RYR1: variants seen among roughly 807,000 people sequenced by gnomAD.
The protein encoded by RYR1 is central core disease of muscle.
A neutral mutation model predicts 583.5 loss-of-function variants in RYR1; 342 were observed. The ratio of observed to expected loss-of-function variants is 0.59; its 90% CI spans 0.54 to 0.64. The LOEUF is 0.64. Ranked by LOEUF, RYR1 falls within the 30% of genes least tolerant of loss-of-function variation. The pLI is 0.00. For synonymous variants in RYR1, 2,791 were observed against 2,822.5 expected, an observed-to-expected ratio of 0.99 and a Z score of 0.35; for missense variants, 6,032 against 6,917.2, an observed-to-expected ratio of 0.87 and a Z score of 4.54.
intron 17 of RYR1, 114 bp downstream of exon 17, chr19:38,457,744 C>T: frequency 8.9e-7 from 1 of 1,121,264 alleles, no homozygotes; most frequent in Non-Finnish European, 1.3e-6. Context: ...CCAGGGTTAA[C>T]AACCAGTCCT....
At chr19:38,477,968 C>T (rs573528073) in intron 30 of RYR1, 98 bp downstream of exon 30, 3 of 1,271,124 alleles carry the variant, frequency 2.4e-6, no homozygotes, top group South Asian at 2.6e-5. Context: ...GTTGTGGGAC[C>T]TAGGAACTTT....
chr19:38,484,654 C>T (rs1969193592), intron 33 of RYR1, among the ~76,000 whole-genome samples: 1 of 152,022 alleles, frequency 6.6e-6, no homozygotes, highest in African/African-American at 2.4e-5. Context: ...CCAGACACAC[C>T]CGTTTATTAA....
At position 38,525,488 on chromosome 19, in the gene RYR1, A is replaced by T; in HGVS notation, c.10612A>T (p.Thr3538Ser). The change falls in exon 71 of 106, where the codon ACC (threonine) becomes TCC (serine). Residue 3538 changes from threonine (T) to serine (S), a missense_variant. Thr to Ser is a moderately conservative substitution (Grantham distance 58). This residue lies in a region of RYR1 where 1,493 missense variants were observed against 1,715.5 expected (regional missense o/e 0.87). Transcript: ENST00000359596. ...CCAAGACCTCATCACGCTGGCCAAG[A>T]CCCGTTACGCCCTGGTGCCTGCCCA... The part of the protein sequence containing the change: ...TDQDLITLAK[T>S]RYALKDTDEE... 1 of 1,613,668 alleles carries T rather than the reference A, an allele frequency of 6.2e-7. No homozygotes were observed. Among genetic ancestry groups the T allele is most frequent in the Non-Finnish European group, 8.5e-7 (1 of 1,179,882 alleles).
chr19:38,525,415 A>C lies in RYR1; in HGVS notation c.10539A>C (p.Thr3513=). The stretch of plus-strand genomic sequence containing the variant: ...TGCAGACGTCACTGATCGTGGCCAC[A>C]CTGAAGAAGATGCTGCCCATCGGCC... The part of the protein sequence containing the change: ...YSVQTSLIVA[T]LKKMLPIGLN... Residue 3513 remains threonine, a synonymous_variant, in exon 71 of 106, where the codon ACA becomes ACC. Transcript: ENST00000359596. 6.2e-7 allele frequency: 1 copy of C among 1,613,998 alleles called. No homozygotes were observed. Among genetic ancestry groups the C allele is most frequent in the Non-Finnish European group, 8.5e-7 (1 of 1,179,968 alleles).
At position 38,500,583 on chromosome 19, in the gene RYR1, C is replaced by T; in HGVS notation, c.7324-23C>T. The T allele has an allele frequency of 6.2e-7, 1 of 1,611,768 alleles. No individual in the cohort carries two copies. The highest frequency in any genetic ancestry group is 8.5e-7 in the Non-Finnish European group (1 of 1,179,876). Reference sequence around the variant, plus strand: ...GGGCACCAGCGCCTGATGAGTGCCCCTCTCCCTCCCTCTACTCCCCAGCTA... The same window carrying T: ...GGGCACCAGCGCCTGATGAGTGCCCTTCTCCCTCCCTCTACTCCCCAGCTA... On this transcript the variant is annotated intron_variant, in intron 45 of 105. Transcript: ENST00000359596. This position sits in a 1 kb window ranked among gnomAD's most constrained non-coding sequence, Gnocchi z 5.9.
rs768273866 is a variant in RYR1 at position 38,494,452 on chromosome 19, C to T, written c.6375C>T (p.His2125=). ...ELVRAMFSLL[H]RQYDGLGELL... Reference sequence around the variant, plus strand: ...TGCGGGCCATGTTCAGCCTCCTGCACCGGCAGTACGACGGGCTGGGTGAGC... The same window carrying T: ...TGCGGGCCATGTTCAGCCTCCTGCATCGGCAGTACGACGGGCTGGGTGAGC... The change falls in exon 39 of 106, where the codon CAC becomes CAT. Residue 2125 remains histidine, a synonymous_variant. Coordinates refer to ENST00000359596, the MANE Select transcript of RYR1 (RefSeq NM_000540.3). 12 of 1,612,610 alleles carry T rather than the reference C, an allele frequency of 7.4e-6. No individual in the cohort carries two copies. The highest frequency in any genetic ancestry group is 9.3e-6 in the Non-Finnish European group (11 of 1,180,040).
At chr19:38,574,699 A>G (rs1973877769) in intron 96 of RYR1, among the ~76,000 whole-genome samples, 1 of 152,080 alleles carries the variant, frequency 6.6e-6, no homozygotes, top group Admixed American at 6.6e-5. Flanking sequence ...AATAATTGCA[A>G]ATCCGTGAAT....
chr19:38,502,713 CATGTCGCTCTGCAG>C lies in RYR1; in HGVS notation c.7822_7835del (p.Met2608ValfsTer37). 6.5e-7 allele frequency: 1 copy of C among 1,528,648 alleles called. No homozygotes were observed. Among genetic ancestry groups the C allele is most frequent in the Non-Finnish European group, 8.8e-7 (1 of 1,132,236 alleles). 94.7% of individuals were successfully genotyped at this position (1,528,648 alleles called of 1,614,324 possible). On this transcript the variant is annotated frameshift_variant and splice_region_variant, in exon 48 of 106. Coordinates refer to ENST00000359596, the MANE Select transcript of RYR1 (RefSeq NM_000540.3). LOFTEE classifies it high-confidence loss of function. ...AGCGTGACGTCATCGAGGACTGCCT[CATGTCGCTCTGCAG>C]GTGGAGCGGGGCAGGCTTCAGGGTG...
chr19:38,469,239 C>T, intron 26 of RYR1, 66 bp from the exon 27 acceptor site: 1 of 1,604,668 alleles, frequency 6.2e-7, no homozygotes, highest in Non-Finnish European at 8.5e-7. Flanking sequence ...TCCCTACCTC[C>T]TCCCCTCGGC....
Position 38,443,599 on chromosome 19 carries a change from T to C in RYR1, c.312T>C (p.His104=), listed in dbSNP as rs1972797006. The change falls in exon 4 of 106, where the codon CAT becomes CAC. Residue 104 remains histidine, a synonymous_variant. Transcript: ENST00000359596. The stretch of plus-strand genomic sequence containing the variant: ...GACACAGGACGCTCCTGTATGGCCA[T>C]GCCATCCTGCTCCGGCATGCACACA... ...GGGHRTLLYG[H]AILLRHAHSR... 5.6e-6 allele frequency: 9 copies of C among 1,614,102 alleles called. No homozygotes were observed. Among genetic ancestry groups the C allele is most frequent in the Non-Finnish European group, 7.6e-6 (9 of 1,179,990 alleles).
At chr19:38,473,216 G>C (rs568352243) in intron 27 of RYR1, among the ~76,000 whole-genome samples, 161 bp from the exon 28 acceptor site, 24 of 152,112 alleles carry the variant, frequency 1.6e-4, no homozygotes, top group Non-Finnish European at 2.9e-4. Context: ...CGGTGTACCC[G>C]GCCGGGAGCT....
Position 38,496,684 on chromosome 19 carries a change from G to A in RYR1, c.6796+143G>A, listed in dbSNP as rs1969844565. The A allele has an allele frequency of 2.4e-6, 3 of 1,226,198 alleles. No homozygotes were observed. Among genetic ancestry groups the A allele is most frequent in the Non-Finnish European group, 2.4e-6 (2 of 842,696 alleles). 76.0% of individuals were successfully genotyped at this position (1,226,198 alleles called of 1,614,324 possible). ...TCTGGCCCTGTAATGAGTAATGCTGGGGACACAATAGTGACCCCAATAGTG... is the reference window on the plus strand; with the variant it reads ...TCTGGCCCTGTAATGAGTAATGCTGAGGACACAATAGTGACCCCAATAGTG... On this transcript the variant is annotated intron_variant, in intron 41 of 105. Coordinates refer to ENST00000359596, the MANE Select transcript of RYR1 (RefSeq NM_000540.3). This position sits in a 1 kb window ranked among gnomAD's most constrained non-coding sequence, Gnocchi z 4.8.
In RYR1 at chr19:38,532,646, C is replaced by T; in HGVS notation, c.11194-25C>T. 2.5e-6 allele frequency: 4 copies of T among 1,614,036 alleles called. No individual in the cohort carries two copies. In the Admixed American group the frequency reaches 5.0e-5, roughly 20 times the overall value. ...GGATGGAGGGGTCTGCTTTGTTCAT[C>T]CCTTAACTGATGCCCCCTCCCCAGA... On this transcript the variant is annotated intron_variant, in intron 77 of 105. Coordinates refer to ENST00000359596, the MANE Select transcript of RYR1 (RefSeq NM_000540.3).
rs750159558 is a variant in RYR1, at chr19:38,502,587, T to C, written c.7695T>C (p.Cys2565=). ...CLAVLPLITK[C]APLFAGTEHR... is the part of the protein sequence containing the mutation. ...CCGTGCTGCCGCTCATCACCAAGTGTGCGCCGCTCTTTGCGGGCACAGAAC... is the reference window on the plus strand; with the variant it reads ...CCGTGCTGCCGCTCATCACCAAGTGCGCGCCGCTCTTTGCGGGCACAGAAC... The change falls in exon 48 of 106, where the codon TGT becomes TGC. Residue 2565 remains cysteine, a synonymous_variant. Coordinates refer to ENST00000359596, the MANE Select transcript of RYR1 (RefSeq NM_000540.3). 10 of 1,612,302 alleles carry C rather than the reference T, an allele frequency of 6.2e-6. No homozygotes were observed. The highest frequency in any genetic ancestry group is 5.5e-5 in the South Asian group (5 of 91,012).
chr19:38,537,241 G>GC (rs1972012882), intron 83 of RYR1: 1 of 232,054 alleles, frequency 4.3e-6, no homozygotes, highest in Admixed American at 5.1e-5. Flanking sequence ...TGCCTCCTCT[G>GC]CGCCTGCCTC....
At position 38,469,163 on chromosome 19, in the gene RYR1, A is replaced by G. The variant is rs779544168; in HGVS notation, c.3556+23A>G. The G allele has an allele frequency of 2.7e-5, 43 of 1,613,812 alleles. No individual in the cohort carries two copies. In the South Asian group the frequency reaches 4.0e-4, roughly 15 times the overall value. ...ACGGTGAGGGCTGAGACCCCTTCAC[A>G]TGCCCTTTCTTGTTTTCCTCTGTCT... is the stretch of plus-strand genomic sequence containing the variant. On this transcript the variant is annotated intron_variant, in intron 26 of 105. Coordinates refer to ENST00000359596, the MANE Select transcript of RYR1 (RefSeq NM_000540.3).
chr19:38,564,895 G>A, intron 90 of RYR1, 64 bp from the exon 91 acceptor site: 3 of 1,535,836 alleles, frequency 2.0e-6, no homozygotes, highest in South Asian at 2.4e-5. Context: ...CTGCCACTGC[G>A]CTGTCGCTGC....
In RYR1 at chr19:38,500,220, A is replaced by G. The variant is rs1465214471; in HGVS notation, c.7323+204A>G. ...AGTCCAATGGGGGAGACGGACAGTG[A>G]CACCCAGAGTGGTCAGGGCTGGGAT... On this transcript the variant is annotated intron_variant, in intron 45 of 105. Transcript: ENST00000359596. The surrounding 1 kb of genome is among the most constrained non-coding windows in gnomAD (Gnocchi z 5.9). Among the ~76,000 whole-genome samples the G allele has an allele frequency of 1.3e-5, 2 of 152,032 alleles. No individual in the cohort carries two copies. Among genetic ancestry groups the G allele is most frequent in the Non-Finnish European group, 2.9e-5 (2 of 67,948 alleles).
intron 101 of RYR1, among the ~76,000 whole-genome samples, chr19:38,583,246 G>A (rs113613661): frequency 0.022 from 3,245 of 148,364 alleles, 87 homozygotes; most frequent in African/African-American, 0.063. Context: ...GCAGTGAGCC[G>A]AGATCACGCC....
Sources: gnomAD v4.1 joint callset for allele counts (sites outside exome capture counted in the v4.1 genomes callset) on GRCh38, gnomAD v4.1.1 for gene constraint, gnomAD v4.1.1 regional missense constraint, Gnocchi (gnomAD v3.1) non-coding constraint, MANE v1.5 for transcripts, NCBI Gene and HGNC (gene_info 2026-07-23, HGNC 2026-07-21) for gene names.